The following PIK3C2G variants were observed in gnomAD, a reference collection of about 807,000 sequenced individuals.
The protein encoded by PIK3C2G is phosphatidylinositol 3-kinase C2 domain-containing subunit gamma.
In PIK3C2G, 168 loss-of-function variants were observed where a neutral mutation model predicts 181.1. The ratio of observed to expected loss-of-function variants is 0.93; its 90% CI spans 0.82 to 1.05. PIK3C2G has a LOEUF of 1.05. PIK3C2G is among the 50% of genes least tolerant of loss of function. PIK3C2G has a pLI of 0.00. For synonymous variants in PIK3C2G, 573 were observed against 592.2 expected, an observed-to-expected ratio of 0.97 and a Z score of 0.47; for missense variants, 1,869 against 1,732.8, an observed-to-expected ratio of 1.08 and a Z score of -1.40.
upstream of PIK3C2G, among the ~76,000 whole-genome samples, chr12:18,257,206 T>A (rs889769213): frequency 5.9e-5 from 9 of 152,132 alleles, no homozygotes; most frequent in Non-Finnish European, 1.3e-4. Context: ...AAGTCTTAAG[T>A]TGGATGGGCA....
chr12:18,724,160 T>C, the PIK3C2G span, among the ~76,000 whole-genome samples: 2 of 152,068 alleles, frequency 1.3e-5, no homozygotes, highest in Non-Finnish European at 2.9e-5. Context: ...AATAGAAGAT[T>C]GGTTTGATTA....
At chr12:18,380,347 C>T (rs1942754767) in intron 13 of PIK3C2G, among the ~76,000 whole-genome samples, 2 of 152,106 alleles carry the variant, frequency 1.3e-5, no homozygotes, top group African/African-American at 4.8e-5. Context: ...TGCACAGAAA[C>T]ATTTTCTCTA....
intron 31 of PIK3C2G, among the ~76,000 whole-genome samples, chr12:18,637,994 A>G (rs759339942): frequency 2.6e-5 from 4 of 152,196 alleles, no homozygotes; most frequent in Non-Finnish European, 5.9e-5. Flanking sequence ...TTAACTTAAT[A>G]TAACTTTATG....
chr12:18,394,977 CCCTT>C (rs1193280701), intron 15 of PIK3C2G, among the ~76,000 whole-genome samples: 9 of 151,624 alleles, frequency 5.9e-5, no homozygotes, highest in African/African-American at 1.7e-4. Flanking sequence ...TACATACTCT[CCCTT>C]TCTTTCTTTC....
chr12:18,559,821 T>TATATATATATATAG (rs1945244509), intron 26 of PIK3C2G, among the ~76,000 whole-genome samples: 1 of 18,372 alleles, frequency 5.4e-5, no homozygotes, highest in Non-Finnish European at 9.6e-5. Context: ...TATATATATA[T>TATATATATATATAG]AGAGAGAGAG....
At chr12:18,293,320 A>C (rs1451228541) in intron 4 of PIK3C2G, among the ~76,000 whole-genome samples, 11 of 152,152 alleles carry the variant, frequency 7.2e-5, no homozygotes, top group Admixed American at 7.2e-4. Flanking sequence ...TGAAAAATCT[A>C]TATTATTTCC....
chr12:18,613,629 T>C (rs2136622783), intron 31 of PIK3C2G, among the ~76,000 whole-genome samples: 1 of 152,238 alleles, frequency 6.6e-6, no homozygotes, highest in South Asian at 2.1e-4. Flanking sequence ...TTGGGCTATC[T>C]GCATCTGCAC....
intron 24 of PIK3C2G, among the ~76,000 whole-genome samples, chr12:18,531,514 A>T (rs1160861713): frequency 6.6e-6 from 1 of 152,128 alleles, no homozygotes; most frequent in South Asian, 2.1e-4. Context: ...TTTTGTAGCC[A>T]CATTCACTTC....
intron 24 of PIK3C2G, among the ~76,000 whole-genome samples, chr12:18,507,844 A>G (rs987821686): frequency 1.3e-5 from 2 of 152,204 alleles, no homozygotes; most frequent in African/African-American, 4.8e-5. Context: ...GATTATTAAA[A>G]CAGTATGGTA....
the PIK3C2G span, chr12:18,696,332 A>C: frequency 5.6e-6 from 1 of 177,918 alleles, no homozygotes. Flanking sequence ...CTATATATAT[A>C]TATATATATA....
intron 29 of PIK3C2G, among the ~76,000 whole-genome samples, chr12:18,574,811 T>G (rs900709862): frequency 6.6e-6 from 1 of 152,200 alleles, no homozygotes; most frequent in African/African-American, 2.4e-5. Flanking sequence ...ACAACATTTC[T>G]TTTCCACTGG....
the PIK3C2G span, chr12:18,713,837 A>G: frequency 1.6e-4 from 24 of 152,198 alleles, no homozygotes; most frequent in Non-Finnish European, 2.8e-4. Flanking sequence ...TAAAAAATAA[A>G]TATTGGTTTC....
intron 26 of PIK3C2G, among the ~76,000 whole-genome samples, chr12:18,561,337 G>A (rs1945332072): frequency 6.6e-6 from 1 of 152,188 alleles, no homozygotes; most frequent in African/African-American, 2.4e-5. Context: ...GGTTTAGACA[G>A]GCATACTGGC....
chr12:18,400,289 C>T (rs1187216016), intron 16 of PIK3C2G, among the ~76,000 whole-genome samples: 1 of 151,948 alleles, frequency 6.6e-6, no homozygotes, highest in Non-Finnish European at 1.5e-5. Flanking sequence ...AAAATCTATT[C>T]CTTGCATGTC....
At chr12:18,509,669 G>A (rs1409954559) in intron 24 of PIK3C2G, among the ~76,000 whole-genome samples, 1 of 152,082 alleles carries the variant, frequency 6.6e-6, no homozygotes, top group Non-Finnish European at 1.5e-5. Flanking sequence ...ATTCTATTTC[G>A]ACACTCAGAC....
At chr12:18,605,875 C>A (rs1032330417) in intron 30 of PIK3C2G, among the ~76,000 whole-genome samples, 1 of 152,106 alleles carries the variant, frequency 6.6e-6, no homozygotes, top group Non-Finnish European at 1.5e-5. Flanking sequence ...CTTTGGAGAT[C>A]ACTTAAACCT....
rs1393697838 is a variant in PIK3C2G at position 18,544,537 on chromosome 12, G to A, written c.3481-1786G>A. ...ACAATGAAAAGGGGGATGAATACAA[G>A]AGACTGCTGAGGAGTGTTTTTAATA... On this transcript the variant is annotated intron_variant, in intron 25 of 32. Coordinates refer to ENST00000538779, the MANE Select transcript of PIK3C2G (RefSeq NM_001288772.2). Among the ~76,000 whole-genome samples the A allele has an allele frequency of 2.6e-5, 4 of 151,918 alleles. No individual in the cohort carries two copies. The East Asian group carries it at 7.8e-4, about 30-fold the overall frequency.
chr12:18,502,959 A>T (rs1178469296), intron 22 of PIK3C2G, among the ~76,000 whole-genome samples: 1 of 152,180 alleles, frequency 6.6e-6, no homozygotes, highest in Non-Finnish European at 1.5e-5. Context: ...ACTGTAAATG[A>T]GTGCACCAGC....
rs1342504964 is a variant in PIK3C2G at position 18,458,261 on chromosome 12, T to C, written c.2505-30188T>C. 3.3e-5 allele frequency among the ~76,000 whole-genome samples: 5 copies of C among 152,100 alleles called. No individual in the cohort carries two copies. The East Asian group carries it at 7.7e-4, about 24-fold the overall frequency. ...TATGCATTCTAAGGGAAGAAAGAAA[T>C]GTTAGTGTGAAGCAATAATTTTCTG... On this transcript the variant is annotated intron_variant, in intron 18 of 32. Transcript: ENST00000538779.
Sources: allele counts gnomAD v4.1 joint callset (sites outside exome capture counted in the v4.1 genomes callset), GRCh38; gene constraint gnomAD v4.1.1; transcripts MANE v1.5; gene names NCBI Gene and HGNC (gene_info 2026-07-23, HGNC 2026-07-21).